Variants in DIAPH1 observed in about 807,000 individuals in gnomAD.
DIAPH1 encodes the protein protein diaphanous homolog 1.
A neutral mutation model predicts 140.7 loss-of-function variants in DIAPH1; 46 were observed. The observed-to-expected ratio is 0.33, with a 90% CI of 0.26 to 0.42. DIAPH1 has a LOEUF of 0.42. Ranked by LOEUF, DIAPH1 falls within the 10% of genes least tolerant of loss-of-function variation. The pLI is 1.00. For synonymous variants in DIAPH1, 565 were observed against 551.6 expected, an observed-to-expected ratio of 1.02 and a Z score of -0.34; for missense variants, 1,310 against 1,558.7, an observed-to-expected ratio of 0.84 and a Z score of 2.69.
At chr5:141,572,577 G>T (rs947728621) in intron 16 of DIAPH1, among the ~76,000 whole-genome samples, 3 of 152,094 alleles carry the variant, frequency 2.0e-5, no homozygotes, top group Non-Finnish European at 4.4e-5. Flanking sequence ...CAAGGTGGGC[G>T]GATCACAAGG....
intron 1 of DIAPH1, among the ~76,000 whole-genome samples, chr5:141,603,993 G>A (rs368460560): frequency 7.9e-5 from 12 of 152,102 alleles, no homozygotes; most frequent in African/African-American, 2.9e-4. Flanking sequence ...GGTAGAAACC[G>A]GGCTGAGGAT....
At chr5:141,576,529 G>C (rs765460214) in intron 13 of DIAPH1, among the ~76,000 whole-genome samples, 3 of 152,200 alleles carry the variant, frequency 2.0e-5, no homozygotes, top group Admixed American at 6.5e-5. Context: ...TTGACTCTCT[G>C]AGACCACCAG....
chr5:141,583,821 G>A (rs899350485), intron 4 of DIAPH1, among the ~76,000 whole-genome samples: 1 of 152,126 alleles, frequency 6.6e-6, no homozygotes, highest in Non-Finnish European at 1.5e-5. Flanking sequence ...GATTACAGGA[G>A]TAAGCCACCA....
chr5:141,554,687 AAATAAT>A (rs1302964476), intron 18 of DIAPH1, among the ~76,000 whole-genome samples: 1 of 152,210 alleles, frequency 6.6e-6, no homozygotes, highest in African/African-American at 2.4e-5. Context: ...TATAAAATAA[AAATAAT>A]AACAGATCAC....
intron 26 of DIAPH1, 130 bp downstream of exon 26, chr5:141,525,908 C>CG (rs767876926): frequency 4.2e-6 from 6 of 1,436,074 alleles, no homozygotes; most frequent in Non-Finnish European, 5.8e-6. Flanking sequence ...ATCAGGATCT[C>CG]GGAGTGAAGA....
At chr5:141,617,159 T>G (rs1051163886) in intron 1 of DIAPH1, among the ~76,000 whole-genome samples, 7 of 149,872 alleles carry the variant, frequency 4.7e-5, no homozygotes, top group Non-Finnish European at 4.4e-5. Context: ...ATAGAAGGAA[T>G]ATGAGCCCTA....
intron 18 of DIAPH1, among the ~76,000 whole-genome samples, chr5:141,559,658 A>G (rs1324105207): frequency 6.6e-6 from 1 of 152,148 alleles, no homozygotes; most frequent in African/African-American, 2.4e-5. Context: ...CTTTCCCAGC[A>G]CACCCAGGAT....
At position 141,580,792 on chromosome 5, in the gene DIAPH1, G is replaced by A. The variant is rs2099896639; in HGVS notation, c.776C>T (p.Ala259Val). Residue 259 changes from alanine (A) to valine (V), a missense_variant, in exon 8 of 28, where the codon GCA becomes GTA. Physicochemically the swap from Ala to Val is moderately conservative, Grantham distance 64. This residue lies in a region of DIAPH1 where 377 missense variants were observed against 497.1 expected (regional missense o/e 0.76). Transcript: ENST00000389054. Reference sequence around the variant, plus strand: ...ACAAAGAGCAGAAAGCAGCTTAGCTGCATCAATCATCATGTTGGGAACAGC... The same window carrying A: ...ACAAAGAGCAGAAAGCAGCTTAGCTACATCAATCATCATGTTGGGAACAGC... ...DPAVPNMMIDAAKLLSALCIL... is the reference protein window; with the variant it reads ...DPAVPNMMIDVAKLLSALCIL... 1 of 1,614,172 alleles carries A rather than the reference G, an allele frequency of 6.2e-7. No individual in the cohort carries two copies. The highest frequency in any genetic ancestry group is 8.5e-7 in the Non-Finnish European group (1 of 1,180,002).
intron 1 of DIAPH1, among the ~76,000 whole-genome samples, chr5:141,606,562 T>C (rs2099900996): frequency 6.6e-6 from 1 of 152,114 alleles, no homozygotes; most frequent in Non-Finnish European, 1.5e-5. Flanking sequence ...GCCTGGATAA[T>C]TTTTGTATTT....
At chr5:141,615,848 G>C (rs2154597463) in intron 1 of DIAPH1, among the ~76,000 whole-genome samples, 1 of 152,304 alleles carries the variant, frequency 6.6e-6, no homozygotes, top group Non-Finnish European at 1.5e-5. Flanking sequence ...TGCATACAAA[G>C]TCTATTAAAT....
At chr5:141,524,477 C>T (rs564051188) in intron 26 of DIAPH1, 6 of 534,398 alleles carry the variant, frequency 1.1e-5, no homozygotes, top group African/African-American at 3.8e-5. Context: ...GATATTTTCC[C>T]GCAATGCCAT....
intron 1 of DIAPH1, among the ~76,000 whole-genome samples, chr5:141,607,702 T>C (rs1434761009): frequency 6.6e-6 from 1 of 152,216 alleles, no homozygotes; most frequent in Non-Finnish European, 1.5e-5. Flanking sequence ...CTCATATAAT[T>C]GCTATAATCA....
chr5:141,539,434 T>TG (rs1237265091), intron 18 of DIAPH1, among the ~76,000 whole-genome samples: 1 of 150,516 alleles, frequency 6.6e-6, no homozygotes, highest in Non-Finnish European at 1.5e-5. Context: ...TTTTTTGTTT[T>TG]TTTTTTTTGG....
intron 18 of DIAPH1, among the ~76,000 whole-genome samples, chr5:141,548,316 T>C (rs1454678782): frequency 2.1e-5 from 3 of 146,106 alleles, no homozygotes; most frequent in African/African-American, 7.5e-5. Flanking sequence ...TTCCAAAATA[T>C]GGATGAAATA....
At chr5:141,614,647 A>G (rs2099902368) in intron 1 of DIAPH1, among the ~76,000 whole-genome samples, 1 of 152,180 alleles carries the variant, frequency 6.6e-6, no homozygotes, top group South Asian at 2.1e-4. Context: ...TCTTTGAAAA[A>G]GTACAGGTAA....
chr5:141,600,430 T>G (rs750222785), intron 1 of DIAPH1, among the ~76,000 whole-genome samples: 5 of 152,218 alleles, frequency 3.3e-5, no homozygotes, highest in African/African-American at 4.8e-5. Flanking sequence ...ATAAGTGTGT[T>G]TGTTTTAAGC....
In DIAPH1 at chr5:141,516,715, G is replaced by C; in HGVS notation, c.*136C>G. 1 of 927,866 alleles carries C rather than the reference G, an allele frequency of 1.1e-6. No individual in the cohort carries two copies. The highest frequency in any genetic ancestry group is 1.7e-6 in the Non-Finnish European group (1 of 590,988). The allele number at this position is 927,866 out of a possible 1,614,324, so 57.5% of individuals were successfully genotyped here. A position where few individuals can be genotyped will look rare whatever the true frequency, so the allele number is the denominator to read the frequency against. ...GTATGTGATGTTGAGAGAGCAGCAG[G>C]CCAGAGAGAAAGACAGGGTCAGGGT... On this transcript the variant is annotated 3_prime_UTR_variant, in exon 28 of 28. Transcript: ENST00000389054.
chr5:141,582,059 CAAAAAAAAAAAAAAAA>C (rs70991705), intron 7 of DIAPH1: 21 of 79,780 alleles, frequency 2.6e-4, no homozygotes, highest in East Asian at 6.9e-4. Context: ...GACTCCATCT[CAAAAAAAAAAAAAAAA>C]AAAAAAAAAA....
At chr5:141,579,644 T>C (rs769887050) in intron 8 of DIAPH1, among the ~76,000 whole-genome samples, 1 of 152,174 alleles carries the variant, frequency 6.6e-6, no homozygotes, top group African/African-American at 2.4e-5. Context: ...TAGTGAAATC[T>C]GCTTTAAAAA....
Sources: gnomAD v4.1 joint callset for allele counts (sites outside exome capture counted in the v4.1 genomes callset) on GRCh38, gnomAD v4.1.1 for gene constraint, gnomAD v4.1.1 regional missense constraint, MANE v1.5 for transcripts, NCBI Gene and HGNC (gene_info 2026-07-23, HGNC 2026-07-21) for gene names.